Variants in DMD observed in about 807,000 individuals in gnomAD.
The protein encoded by DMD is mutant dystrophin.
A neutral mutation model predicts 330.1 loss-of-function variants in DMD; 63 were observed. The ratio of observed to expected loss-of-function variants is 0.19; its 90% CI spans 0.16 to 0.24. DMD has a LOEUF of 0.24. Among genes scored for constraint, DMD ranks in the 10% least tolerant of loss-of-function variants. The probability of loss-of-function intolerance (pLI) is 1.00; values close to 1 mark genes in which losing one functional copy is unlikely to be tolerated. For synonymous variants in DMD, 1,223 were observed against 959.8 expected (o/e 1.27, Z -5.07); for missense variants, 3,344 against 2,684.1 (o/e 1.25, Z -5.43).
intron 44 of DMD, among the ~76,000 whole-genome samples, chrX:32,051,799 C>A (rs1317154834): frequency 1.8e-5 from 2 of 110,990 alleles, no homozygotes; most frequent in East Asian, 5.7e-4. Flanking sequence ...TTAATGATAT[C>A]AGATATTTTG....
At chrX:32,549,840 A>T (rs1479076015) in intron 16 of DMD, among the ~76,000 whole-genome samples, 1 of 111,968 alleles carries the variant, frequency 8.9e-6, no homozygotes, top group Non-Finnish European at 1.9e-5. Context: ...CCACTTGTTT[A>T]AAAAATGCAC....
intron 18 of DMD, among the ~76,000 whole-genome samples, chrX:32,502,924 A>G (rs1205568588): frequency 8.9e-6 from 1 of 111,842 alleles, no homozygotes; most frequent in Non-Finnish European, 1.9e-5. Context: ...CCAATATGAT[A>G]GCCAATAACC....
chrX:32,864,759 C>T (rs1031040631), intron 2 of DMD, among the ~76,000 whole-genome samples: 1 of 112,037 alleles, frequency 8.9e-6, no homozygotes, highest in Non-Finnish European at 1.9e-5. Flanking sequence ...GTATAATTCA[C>T]TCTAATGTAT....
At chrX:31,763,082 T>C (rs896657767) in intron 51 of DMD, among the ~76,000 whole-genome samples, 8 of 112,838 alleles carry the variant, frequency 7.1e-5, no homozygotes, top group African/African-American at 1.9e-4. Flanking sequence ...CTATGTCAAA[T>C]AGAATATTAC....
chrX:32,340,677 C>G (rs1055931756), intron 41 of DMD, among the ~76,000 whole-genome samples: 1 of 111,988 alleles, frequency 8.9e-6, no homozygotes, highest in Non-Finnish European at 1.9e-5. Context: ...CTTGAATGAT[C>G]TATTAAATTG....
At chrX:31,397,805 A>G (rs2061011033) in intron 60 of DMD, among the ~76,000 whole-genome samples, 1 of 112,114 alleles carries the variant, frequency 8.9e-6, no homozygotes, top group African/African-American at 3.2e-5. Context: ...TGAAATTTGG[A>G]GAAAAGCATA....
At chrX:32,108,716 A>T (rs138677314) in intron 44 of DMD, among the ~76,000 whole-genome samples, 1,913 of 111,828 alleles carry the variant, frequency 0.017, 40 homozygotes, top group African/African-American at 0.059. Context: ...CAGAAAATAT[A>T]ACTTTGATAT....
Position 31,214,937 on chromosome X carries a change from C to CTTTTTTCTTTTT in DMD, c.9362-5239_9362-5238insAAAAAGAAAAAA, listed in dbSNP as rs1556299261. 2.6e-4 allele frequency among the ~76,000 whole-genome samples: 10 copies of CTTTTTTCTTTTT among 38,099 alleles called. 1 individual carries two copies. In the East Asian group the frequency reaches 5.1e-3, roughly 20 times the overall value. 33.1% of individuals were successfully genotyped at this position (38,099 alleles called of 115,157 possible). A position where few individuals can be genotyped will look rare whatever the true frequency, so the allele number is the denominator to read the frequency against. On this transcript the variant is annotated intron_variant, in intron 64 of 78. Transcript: ENST00000357033. ...AAAGATACTTTTTTATTTCTTTTTT[C>CTTTTTTCTTTTT]TTTTTTTTTTTTTTTTTTTTTTGAG...
chrX:32,493,332 T>G (rs1253574294), intron 19 of DMD, among the ~76,000 whole-genome samples: 1 of 111,639 alleles, frequency 9.0e-6, no homozygotes, highest in African/African-American at 3.3e-5. Flanking sequence ...GGAGACAAAC[T>G]TTGCAAATAT....
intron 2 of DMD, among the ~76,000 whole-genome samples, chrX:32,915,732 A>G (rs1377427480): frequency 1.8e-5 from 2 of 112,124 alleles, no homozygotes; most frequent in Non-Finnish European, 3.8e-5. Flanking sequence ...TTCTCATTTC[A>G]TGGAGTAAGT....
intron 64 of DMD, among the ~76,000 whole-genome samples, chrX:31,221,231 G>A (rs1291417163): frequency 9.2e-6 from 1 of 108,862 alleles, no homozygotes; most frequent in African/African-American, 3.3e-5. Flanking sequence ...GCGACAATCT[G>A]ATTATGTCAC....
At chrX:31,827,276 T>C (rs1444957667) in intron 49 of DMD, among the ~76,000 whole-genome samples, 1 of 111,918 alleles carries the variant, frequency 8.9e-6, no homozygotes, top group Non-Finnish European at 1.9e-5. Flanking sequence ...GCTATTCTTA[T>C]ATCAGACAAA....
rs747887484 is a variant in DMD at position 31,959,126 on chromosome X, G to T, written c.6614+9213C>A. On this transcript the variant is annotated intron_variant, in intron 45 of 78. Transcript: ENST00000357033. The stretch of plus-strand genomic sequence containing the variant: ...TGTCAGGTTTTTAAAGTTCTATTCT[G>T]CTTACTCATTGTCTCTAACTTGAGT... 4.5e-5 allele frequency among the ~76,000 whole-genome samples: 5 copies of T among 111,376 alleles called. No individual in the cohort carries two copies. In the Admixed American group the frequency reaches 4.8e-4, roughly 11 times the overall value.
intron 60 of DMD, among the ~76,000 whole-genome samples, chrX:31,439,511 A>AC (rs199833364): frequency 0.023 from 2,567 of 111,778 alleles, 28 homozygotes; most frequent in Non-Finnish European, 0.038. Context: ...ACCTTTAAAA[A>AC]ACATACATAA....
chrX:32,809,777 G>A (rs1205750444), intron 6 of DMD, among the ~76,000 whole-genome samples, 166 bp from the exon 7 acceptor site: 1 of 109,564 alleles, frequency 9.1e-6, no homozygotes, highest in Non-Finnish European at 1.9e-5. Flanking sequence ...ATTTAAACAA[G>A]TAATAATTTT....
At chrX:31,153,253 C>T (rs976524704) in intron 74 of DMD, among the ~76,000 whole-genome samples, 2 of 112,028 alleles carry the variant, frequency 1.8e-5, no homozygotes, top group Admixed American at 1.9e-4. Context: ...TGCATTAGGG[C>T]CATAGCTGCA....
rs1327065612 is a variant in DMD, at chrX:32,252,877, AAAATATATAT to A, written c.6290+34642_6290+34651del. Reference sequence around the variant, plus strand: ...ATATATATAAATATATAAATATATAAAAATATATATAAATATATATAAATATATACATAAA... The same window carrying A: ...ATATATATAAATATATAAATATATAAAAATATATATAAATATATACATAAA... On this transcript the variant is annotated intron_variant, in intron 43 of 78. Transcript: ENST00000357033. 1.4e-3 allele frequency among the ~76,000 whole-genome samples: 84 copies of A among 58,819 alleles called. 1 individual carries two copies. The highest frequency in any genetic ancestry group is 5.4e-3 in the African/African-American group (73 of 13,443). The allele number at this position is 58,819 out of a possible 115,157, so 51.1% of individuals were successfully genotyped here. A position where few individuals can be genotyped will look rare whatever the true frequency, so the allele number is the denominator to read the frequency against.
intron 74 of DMD, among the ~76,000 whole-genome samples, chrX:31,164,128 T>C (rs1396178064): frequency 8.9e-6 from 1 of 112,252 alleles, no homozygotes; most frequent in African/African-American, 3.2e-5. Context: ...CACACTTTAA[T>C]GTTCACATCT....
At chrX:31,962,843 C>G (rs750079075) in intron 45 of DMD, among the ~76,000 whole-genome samples, 4 of 111,319 alleles carry the variant, frequency 3.6e-5, no homozygotes, top group African/African-American at 9.8e-5. Context: ...AGCAAGCGGA[C>G]GGGACAGATC....
Sources: allele counts gnomAD v4.1 joint callset (sites outside exome capture counted in the v4.1 genomes callset), GRCh38; gene constraint gnomAD v4.1.1; transcripts MANE v1.5; gene names NCBI Gene and HGNC (gene_info 2026-07-23, HGNC 2026-07-21).